The following CNTNAP2 variants were observed in gnomAD, a reference collection of about 807,000 sequenced individuals.
The protein encoded by CNTNAP2 is contactin-associated protein-like 2.
In CNTNAP2, 98 loss-of-function variants were observed where a neutral mutation model predicts 155.2. The ratio of observed to expected loss-of-function variants is 0.63; its 90% confidence interval spans 0.54 to 0.75. CNTNAP2 has a LOEUF of 0.75. CNTNAP2 is among the 30% of genes least tolerant of loss of function. The pLI, the probability that CNTNAP2 is intolerant of heterozygous loss-of-function variation, is 0.00. For missense variants in CNTNAP2, 1,727 were observed against 1,688.1 expected (o/e 1.02, Z -0.40); for synonymous variants, 651 against 631.2 (o/e 1.03, Z -0.47).
chr7:146,521,909 C>T (rs969600856), intron 1 of CNTNAP2, among the ~76,000 whole-genome samples: 2 of 151,916 alleles, frequency 1.3e-5, no homozygotes, highest in Non-Finnish European at 2.9e-5. Flanking sequence ...TTTTCAGTGC[C>T]AGATAATTTT....
intron 20 of CNTNAP2, among the ~76,000 whole-genome samples, chr7:148,254,775 CA>C (rs55711921): frequency 1.9e-3 from 231 of 120,336 alleles, no homozygotes; most frequent in South Asian, 3.4e-3. Context: ...GACTCCATCT[CA>C]AAAAAAAAAA....
At chr7:147,095,186 A>ATTTTTTTT (rs36113270) in intron 4 of CNTNAP2, among the ~76,000 whole-genome samples, 7 of 114,514 alleles carry the variant, frequency 6.1e-5, no homozygotes, top group African/African-American at 6.4e-5. Context: ...CGCCTGGCTA[A>ATTTTTTTT]TTTTTTTTTT....
chr7:147,867,927 A>C (rs1799261441), intron 13 of CNTNAP2, among the ~76,000 whole-genome samples: 1 of 152,050 alleles, frequency 6.6e-6, no homozygotes, highest in Admixed American at 6.6e-5. Context: ...TGTTATTATC[A>C]ACCTTCTGAA....
chr7:146,279,194 C>A (rs184648451), intron 1 of CNTNAP2, among the ~76,000 whole-genome samples: 1 of 152,014 alleles, frequency 6.6e-6, no homozygotes, highest in South Asian at 2.1e-4. Context: ...CTGTACCTAA[C>A]CTAAATAATG....
At chr7:147,283,588 A>G (rs1409839622) in intron 8 of CNTNAP2, among the ~76,000 whole-genome samples, 1 of 151,938 alleles carries the variant, frequency 6.6e-6, no homozygotes, top group Non-Finnish European at 1.5e-5. Flanking sequence ...ATAATTACTC[A>G]TTTGTATCAT....
rs1426736367 is a variant in CNTNAP2 at position 146,721,894 on chromosome 7, T to A, written c.98-52377T>A. ...GTGTGTGTATATATATATATATTTTTTTTTTTTTTTTTGAGATGGAACCTG... is the reference window on the plus strand; with the variant it reads ...GTGTGTGTATATATATATATATTTTATTTTTTTTTTTTGAGATGGAACCTG... On this transcript the variant is annotated intron_variant, in intron 1 of 23. Transcript: ENST00000361727. Among the ~76,000 whole-genome samples the A allele has an allele frequency of 1.3e-3, 132 of 102,176 alleles. 6 individuals are homozygous for A. Among genetic ancestry groups the A allele is most frequent in the Middle Eastern group, 5.0e-3 (1 of 202 alleles). The allele number at this position is 102,176 out of a possible 152,430, so 67.0% of individuals were successfully genotyped here. A position where few individuals can be genotyped will look rare whatever the true frequency, so the allele number is the denominator to read the frequency against.
intron 15 of CNTNAP2, among the ~76,000 whole-genome samples, chr7:148,087,260 G>C (rs1482937615): frequency 6.6e-6 from 1 of 152,024 alleles, no homozygotes; most frequent in Non-Finnish European, 1.5e-5. Context: ...TAAGTTTTAA[G>C]GGAAACTTGA....
chr7:146,996,652 C>T (rs1355107729), intron 3 of CNTNAP2, among the ~76,000 whole-genome samples: 2 of 152,078 alleles, frequency 1.3e-5, no homozygotes, highest in African/African-American at 4.8e-5. Context: ...ATGTCAGCTG[C>T]AAACAAGGAT....
chr7:147,875,628 C>T (rs1437739487), intron 13 of CNTNAP2, among the ~76,000 whole-genome samples: 2 of 152,048 alleles, frequency 1.3e-5, no homozygotes, highest in South Asian at 2.1e-4. Flanking sequence ...CACAATGGCT[C>T]ATACCGTAAT....
intron 21 of CNTNAP2, among the ~76,000 whole-genome samples, chr7:148,289,093 G>T (rs886686674): frequency 6.6e-6 from 1 of 152,154 alleles, no homozygotes; most frequent in African/African-American, 2.4e-5. Flanking sequence ...CAAAGGTGCA[G>T]GTTTTGTGCA....
intron 4 of CNTNAP2, among the ~76,000 whole-genome samples, chr7:147,062,395 T>C (rs543471378): frequency 1.9e-4 from 29 of 152,126 alleles, no homozygotes; most frequent in Non-Finnish European, 3.5e-4. Flanking sequence ...GAGCAGAGTA[T>C]GCATGCACAG....
chr7:147,680,747 GCTCT>G (rs373834954), intron 13 of CNTNAP2, among the ~76,000 whole-genome samples: 6 of 150,042 alleles, frequency 4.0e-5, no homozygotes, highest in Non-Finnish European at 8.9e-5. Context: ...CATTGCACAT[GCTCT>G]CTCTCTCTCT....
At chr7:147,792,322 C>G (rs1797832554) in intron 13 of CNTNAP2, among the ~76,000 whole-genome samples, 1 of 152,038 alleles carries the variant, frequency 6.6e-6, no homozygotes, top group Admixed American at 6.6e-5. Context: ...AACCCCATAC[C>G]CATGAATAAC....
chr7:146,175,989 G>A (rs922581186), intron 1 of CNTNAP2, among the ~76,000 whole-genome samples: 3 of 152,204 alleles, frequency 2.0e-5, no homozygotes, highest in Non-Finnish European at 4.4e-5. Context: ...AGTGACTCAC[G>A]TTATTCTAGT....
At chr7:146,400,994 G>T (rs1422787758) in intron 1 of CNTNAP2, among the ~76,000 whole-genome samples, 1 of 152,100 alleles carries the variant, frequency 6.6e-6, no homozygotes, top group Non-Finnish European at 1.5e-5. Context: ...TTAGTGACTT[G>T]GTATTGTTTG....
At chr7:147,670,337 T>G (rs1279850597) in intron 13 of CNTNAP2, among the ~76,000 whole-genome samples, 6 of 152,102 alleles carry the variant, frequency 3.9e-5, no homozygotes, top group African/African-American at 1.4e-4. Context: ...CTCCTTCTGA[T>G]AGGGACAGGA....
chr7:146,673,443 G>T (rs569846835), intron 1 of CNTNAP2, among the ~76,000 whole-genome samples: 1 of 152,306 alleles, frequency 6.6e-6, no homozygotes, highest in African/African-American at 2.4e-5. Context: ...TTAGCCTAAA[G>T]ATGCTGTCTT....
At chr7:147,204,714 G>A (rs769597170) in intron 8 of CNTNAP2, among the ~76,000 whole-genome samples, 30 of 152,084 alleles carry the variant, frequency 2.0e-4, no homozygotes, top group Admixed American at 1.1e-3. Context: ...AATGTACCAC[G>A]CTAATGTAAT....
intron 14 of CNTNAP2, among the ~76,000 whole-genome samples, chr7:147,931,326 T>C (rs2263054): frequency 0.27 from 40,934 of 150,846 alleles, 7,670 homozygotes; most frequent in African/African-American, 0.54. Flanking sequence ...AAAGGAGACA[T>C]TACAACCTGA....
Sources: gnomAD v4.1 joint callset for allele counts (sites outside exome capture counted in the v4.1 genomes callset) on GRCh38, gnomAD v4.1.1 for gene constraint, MANE v1.5 for transcripts, NCBI Gene and HGNC (gene_info 2026-07-23, HGNC 2026-07-21) for gene names.